CNGA3: variants seen among roughly 807,000 people sequenced by gnomAD.
CNGA3 encodes cyclic nucleotide-gated channel alpha-3.
CNGA3 carries 42 observed loss-of-function variants against 46.6 expected under a neutral mutation model. The observed-to-expected ratio is 0.90, with a 90% CI of 0.70 to 1.17. The LOEUF (loss-of-function observed/expected upper bound fraction) is 1.17, where lower values mean the gene tolerates loss of function less well. Ranked by LOEUF, CNGA3 falls within the 50% of genes most tolerant of loss-of-function variation. CNGA3 has a pLI of 0.00. For synonymous variants in CNGA3, 394 were observed against 369.4 expected, an observed-to-expected ratio of 1.07 and a Z score of -0.76; for missense variants, 893 against 890.7, an observed-to-expected ratio of 1.00 and a Z score of -0.03.
intron 2 of CNGA3, among the ~76,000 whole-genome samples, chr2:98,373,196 C>T (rs78083163): frequency 1.3e-5 from 2 of 152,132 alleles, no homozygotes; most frequent in African/African-American, 2.4e-5. Context: ...GTCTATCCAC[C>T]GATGAGGTCT....
At chr2:98,361,662 C>T (rs921222107) in intron 1 of CNGA3, among the ~76,000 whole-genome samples, 1 of 151,476 alleles carries the variant, frequency 6.6e-6, no homozygotes, top group African/African-American at 2.4e-5. Flanking sequence ...TAAAAGCGTT[C>T]CTGTTTCTCC....
chr2:98,396,060 A>G lies in CNGA3; in HGVS notation c.890A>G (p.Tyr297Cys). The G allele has an allele frequency of 6.2e-7, 1 of 1,614,074 alleles. No individual in the cohort carries two copies. The highest frequency in any genetic ancestry group is 8.5e-7 in the Non-Finnish European group (1 of 1,180,000). Residue 297 changes from tyrosine (Y) to cysteine (C), a missense_variant, in exon 8 of 8, where the codon TAC becomes TGC. By Grantham distance (194) the Tyr-to-Cys change is radical. Around this residue, in one of 3 missense-constraint regions of CNGA3, gnomAD observed 548 missense variants for 570.8 expected, o/e 0.96. Transcript: ENST00000272602. Reference protein sequence around the residue: ...FFDRTETRTNYPNMFRIGNLV... With the variant: ...FFDRTETRTNCPNMFRIGNLV... Reference sequence around the variant, plus strand: ...GACCGCACAGAGACAAGGACCAACTACCCCAATATGTTCAGGATTGGGAAC... The same window carrying G: ...GACCGCACAGAGACAAGGACCAACTGCCCCAATATGTTCAGGATTGGGAAC...
At position 98,362,968 on chromosome 2, in the gene CNGA3, G is replaced by A. The variant is rs148741635; in HGVS notation, c.-37-6971G>A. The stretch of plus-strand genomic sequence containing the variant: ...TTAAAGATCAGATGGTTGTAGATGT[G>A]TGGTCTTATTTCTGAGTTTTCTAGT... On this transcript the variant is annotated intron_variant, in intron 1 of 7. Transcript: ENST00000272602. Among the ~76,000 whole-genome samples, 241 of 152,240 alleles carry A rather than the reference G, an allele frequency of 1.6e-3. 1 individual carries two copies. In the East Asian group the frequency reaches 0.027, roughly 17 times the overall value.
intron 7 of CNGA3, 30 bp downstream of exon 7, chr2:98,392,000 C>A: frequency 6.3e-7 from 1 of 1,588,388 alleles, no homozygotes; most frequent in Non-Finnish European, 8.6e-7. Flanking sequence ...GGGGAGGGGA[C>A]CATGGCCCCC....
chr2:98,397,302 A>T lies in CNGA3; in HGVS notation c.*47A>T. The stretch of plus-strand genomic sequence containing the variant: ...CTTCACAGGGTCGACTGTCAGGGTG[A>T]CCGTATGTGGCCGCAGCTGTGTGGC... On this transcript the variant is annotated 3_prime_UTR_variant, in exon 8 of 8. Coordinates refer to ENST00000272602, the MANE Select transcript of CNGA3 (RefSeq NM_001298.3). The T allele has an allele frequency of 6.3e-7, 1 of 1,585,628 alleles. No homozygotes were observed. The highest frequency in any genetic ancestry group is 8.6e-7 in the Non-Finnish European group (1 of 1,157,886).
At position 98,395,966 on chromosome 2, in the gene CNGA3, G is replaced by A. The variant is rs536335712; in HGVS notation, c.796G>A (p.Val266Met). 181 of 1,614,240 alleles carry A rather than the reference G, an allele frequency of 1.1e-4. No homozygotes were observed. In the South Asian group the frequency reaches 1.9e-3, roughly 17 times the overall value. The part of the protein sequence containing the change: ...LVPTDLAYLK[V>M]GTNYPEVRFN... The stretch of plus-strand genomic sequence containing the variant: ...CCCCACCGACCTGGCTTACTTAAAG[G>A]TGGGCACAAACTACCCAGAAGTGAG... Residue 266 changes from valine (V) to methionine (M), a missense_variant, in exon 8 of 8, where the codon GTG becomes ATG. By Grantham distance (21) the Val-to-Met change is conservative (BLOSUM62 1). Around this residue, in one of 3 missense-constraint regions of CNGA3, gnomAD observed 548 missense variants for 570.8 expected, o/e 0.96. Transcript: ENST00000272602.
At chr2:98,347,971 G>A (rs1468601995) in intron 1 of CNGA3, among the ~76,000 whole-genome samples, 2 of 152,238 alleles carry the variant, frequency 1.3e-5, no homozygotes, top group African/African-American at 2.4e-5. Context: ...GGGTGGTTGG[G>A]CCGGGAGAGG....
chr2:98,390,269 G>A (rs1275851115), intron 6 of CNGA3, among the ~76,000 whole-genome samples: 1 of 151,904 alleles, frequency 6.6e-6, no homozygotes, highest in Admixed American at 6.6e-5. Flanking sequence ...CCGAGTAGCT[G>A]TGACTACATA....
At chr2:98,370,443 A>G (rs1028988017) in intron 2 of CNGA3, among the ~76,000 whole-genome samples, 5 of 152,234 alleles carry the variant, frequency 3.3e-5, no homozygotes, top group African/African-American at 1.2e-4. Flanking sequence ...TGCACCAGCC[A>G]CTGAACTGGG....
chr2:98,371,470 A>G (rs78304365), intron 2 of CNGA3, among the ~76,000 whole-genome samples: 4,607 of 152,266 alleles, frequency 0.03, 97 homozygotes, highest in Middle Eastern at 0.061. Context: ...AGTCCCCATT[A>G]TGGCAAACCC....
intron 2 of CNGA3, among the ~76,000 whole-genome samples, chr2:98,371,072 G>T (rs1170396815): frequency 2.0e-5 from 3 of 152,140 alleles, no homozygotes; most frequent in Admixed American, 6.5e-5. Flanking sequence ...TGATCCACCT[G>T]CCTCAGCCTC....
intron 4 of CNGA3, among the ~76,000 whole-genome samples, chr2:98,380,594 T>C (rs1327253263): frequency 6.6e-6 from 1 of 152,154 alleles, no homozygotes; most frequent in Admixed American, 6.5e-5. Flanking sequence ...CAGCCTCATT[T>C]GACCACTCAC....
intron 6 of CNGA3, 110 bp downstream of exon 6, chr2:98,389,884 G>A (rs1366063913): frequency 9.3e-6 from 7 of 752,778 alleles, no homozygotes; most frequent in Admixed American, 4.8e-5. Context: ...GACCCCTCAC[G>A]GCCACCACTT....
intron 1 of CNGA3, among the ~76,000 whole-genome samples, chr2:98,366,937 G>A (rs1692167366): frequency 6.6e-6 from 1 of 152,148 alleles, no homozygotes; most frequent in Admixed American, 6.5e-5. Flanking sequence ...TGGAAAAAGC[G>A]TGGTTTCCTG....
intron 2 of CNGA3, among the ~76,000 whole-genome samples, chr2:98,371,812 C>T (rs1390576077): frequency 6.6e-6 from 1 of 152,142 alleles, no homozygotes. Flanking sequence ...TAATAAAGCC[C>T]CTTGAAGGGG....
rs373009237 is a variant in CNGA3, at chr2:98,389,640, G to A, written c.450-18G>A. On this transcript the variant is annotated intron_variant, in intron 5 of 7. Coordinates refer to ENST00000272602, the MANE Select transcript of CNGA3 (RefSeq NM_001298.3). ...TCTTGGAGCACAGTGCGCTGTTTGT[G>A]TATGTGTGGGTTTCCAGGAAGAAGA... 5.0e-6 allele frequency: 8 copies of A among 1,606,750 alleles called. No individual in the cohort carries two copies. The African/African-American group carries it at 6.7e-5, about 13-fold the overall frequency.
intron 2 of CNGA3, among the ~76,000 whole-genome samples, chr2:98,371,823 G>T (rs1692294897): frequency 6.6e-6 from 1 of 152,216 alleles, no homozygotes; most frequent in Non-Finnish European, 1.5e-5. Context: ...CTTGAAGGGG[G>T]TTTCAAAGAG....
Position 98,383,771 on chromosome 2 carries a change from C to T in CNGA3, c.449+330C>T, listed in dbSNP as rs145923907. On this transcript the variant is annotated intron_variant, in intron 5 of 7. Coordinates refer to ENST00000272602, the MANE Select transcript of CNGA3 (RefSeq NM_001298.3). ...TATCTGAGGGTGCAGAACCGGAGTTCCTTGACAGAGCACTGGAGATTCTCC... is the reference window on the plus strand; with the variant it reads ...TATCTGAGGGTGCAGAACCGGAGTTTCTTGACAGAGCACTGGAGATTCTCC... Among the ~76,000 whole-genome samples, 3 of 152,312 alleles carry T rather than the reference C, an allele frequency of 2.0e-5. 1 individual carries two copies. The East Asian group carries it at 5.8e-4, about 29-fold the overall frequency.
At chr2:98,395,768 A>T (rs1692896086) in intron 7 of CNGA3, 76 bp from the exon 8 acceptor site, 1 of 1,248,248 alleles carries the variant, frequency 8.0e-7, no homozygotes, top group African/African-American at 1.5e-5. Flanking sequence ...GCCGTGAGGT[A>T]AAATATGTTT....
Sources: gnomAD v4.1 joint callset for allele counts (sites outside exome capture counted in the v4.1 genomes callset) on GRCh38, gnomAD v4.1.1 for gene constraint, gnomAD v4.1.1 regional missense constraint, MANE v1.5 for transcripts, NCBI Gene and HGNC (gene_info 2026-07-23, HGNC 2026-07-21) for gene names.